Variants in PCDH7 observed in about 807,000 individuals in gnomAD.
PCDH7 encodes protocadherin-7.
A neutral mutation model predicts 58.9 loss-of-function variants in PCDH7; 17 were observed. The ratio of observed to expected loss-of-function variants is 0.29; its 90% CI spans 0.20 to 0.43. The LOEUF (loss-of-function observed/expected upper bound fraction) is 0.43, where lower values mean the gene tolerates loss of function less well. Among genes scored for constraint, PCDH7 ranks in the 20% least tolerant of loss-of-function variants. The pLI is 1.00. For missense variants in PCDH7, 1,274 were observed against 1,441.0 expected (o/e 0.88, Z 1.88); for synonymous variants, 664 against 616.4 (o/e 1.08, Z -1.14).
At chr4:30,950,826 A>T (rs962254639) in intron 3 of PCDH7, among the ~76,000 whole-genome samples, 3 of 152,180 alleles carry the variant, frequency 2.0e-5, no homozygotes, top group Non-Finnish European at 2.9e-5. Context: ...AGAGGGGACT[A>T]GGGACTGTTT....
chr4:30,796,480 CTA>C (rs1266072268), intron 1 of PCDH7, among the ~76,000 whole-genome samples: 1 of 152,134 alleles, frequency 6.6e-6, no homozygotes, highest in African/African-American at 2.4e-5. Flanking sequence ...CTGATCAAAA[CTA>C]TGAAATACAA....
intron 1 of PCDH7, among the ~76,000 whole-genome samples, chr4:30,871,282 G>T (rs906651920): frequency 1.3e-5 from 2 of 152,042 alleles, no homozygotes; most frequent in African/African-American, 4.8e-5. Context: ...AGTTAGCAGA[G>T]GATGGGTAGG....
At chr4:30,931,769 C>G (rs1744634302) in intron 2 of PCDH7, among the ~76,000 whole-genome samples, 1 of 150,938 alleles carries the variant, frequency 6.6e-6, no homozygotes, top group Non-Finnish European at 1.5e-5. Flanking sequence ...AGTGGCATCC[C>G]TTGATATCAG....
intron 3 of PCDH7, among the ~76,000 whole-genome samples, chr4:31,016,223 A>G (rs892022639): frequency 1.3e-5 from 2 of 152,178 alleles, no homozygotes; most frequent in Admixed American, 1.3e-4. Flanking sequence ...TATGAGGACC[A>G]TATGGATCTT....
At chr4:30,974,892 A>G (rs1301844882) in intron 3 of PCDH7, among the ~76,000 whole-genome samples, 1 of 152,148 alleles carries the variant, frequency 6.6e-6, no homozygotes, top group African/African-American at 2.4e-5. Flanking sequence ...AAGGCCTTTT[A>G]TTTAGTTGGC....
intron 1 of PCDH7, among the ~76,000 whole-genome samples, chr4:30,863,386 G>C (rs1233808358): frequency 6.6e-6 from 1 of 151,984 alleles, no homozygotes; most frequent in East Asian, 1.9e-4. Context: ...TCACATGGAG[G>C]GTGGCATCTA....
At chr4:30,877,167 G>A (rs1294977313) in intron 1 of PCDH7, among the ~76,000 whole-genome samples, 6 of 151,962 alleles carry the variant, frequency 3.9e-5, no homozygotes, top group Admixed American at 3.3e-4. Context: ...GTTAAACTAG[G>A]GTTGATGGTT....
chr4:30,762,919 T>C (rs74287294), intron 1 of PCDH7, among the ~76,000 whole-genome samples: 18,809 of 152,212 alleles, frequency 0.12, 1,639 homozygotes, highest in East Asian at 0.29. Flanking sequence ...TGGGCAGAGG[T>C]AAATGGCAAA....
intron 3 of PCDH7, among the ~76,000 whole-genome samples, chr4:31,015,231 A>G (rs1267788751): frequency 1.3e-5 from 2 of 152,204 alleles, no homozygotes; most frequent in African/African-American, 4.8e-5. Context: ...TCAGAAAATC[A>G]GAATGCATAA....
At chr4:31,001,977 T>C (rs1266267943) in intron 3 of PCDH7, among the ~76,000 whole-genome samples, 1 of 152,124 alleles carries the variant, frequency 6.6e-6, no homozygotes, top group Non-Finnish European at 1.5e-5. Context: ...AATTATAAAC[T>C]CCTAATAATA....
intron 3 of PCDH7, among the ~76,000 whole-genome samples, chr4:31,080,398 T>TA (rs1263488593): frequency 6.6e-6 from 1 of 152,104 alleles, no homozygotes; most frequent in Non-Finnish European, 1.5e-5. Context: ...CTTGATTACC[T>TA]AAAAAATGGT....
At chr4:30,767,113 C>T (rs188455990) in intron 1 of PCDH7, among the ~76,000 whole-genome samples, 59 of 152,122 alleles carry the variant, frequency 3.9e-4, no homozygotes, top group African/African-American at 1.4e-3. Flanking sequence ...ATTACAAATT[C>T]TCATAGTAAT....
chr4:30,824,150 T>C (rs149967255), intron 1 of PCDH7, among the ~76,000 whole-genome samples: 4 of 130,762 alleles, frequency 3.1e-5, no homozygotes, highest in African/African-American at 1.1e-4. Flanking sequence ...TTTCTTTCTT[T>C]CTTTCTTTCT....
chr4:30,868,453 G>A (rs139203667), intron 1 of PCDH7, among the ~76,000 whole-genome samples: 3 of 152,078 alleles, frequency 2.0e-5, no homozygotes, highest in Non-Finnish European at 4.4e-5. Flanking sequence ...AGCAGGCGTT[G>A]TGTATGTTCT....
intron 3 of PCDH7, among the ~76,000 whole-genome samples, chr4:30,994,771 A>G (rs1190905325): frequency 6.6e-6 from 1 of 152,158 alleles, no homozygotes; most frequent in Non-Finnish European, 1.5e-5. Context: ...TACAATATTA[A>G]ACTTATAGTT....
At chr4:30,959,212 G>T (rs1054448241) in intron 3 of PCDH7, among the ~76,000 whole-genome samples, 2 of 151,298 alleles carry the variant, frequency 1.3e-5, no homozygotes, top group African/African-American at 4.9e-5. Flanking sequence ...TAAATTGAGG[G>T]GTGCAAAAAG....
rs529710504 is a variant in PCDH7 at position 30,879,933 on chromosome 4, C to A, written c.71-40220C>A. On this transcript the variant is annotated intron_variant, in intron 1 of 3. Transcript: ENST00000509759. Reference sequence around the variant, plus strand: ...GAAGCCTTTTCTTGGGGAAAAATTACCCTGATACATGTTTCTAAAATATTT... The same window carrying A: ...GAAGCCTTTTCTTGGGGAAAAATTAACCTGATACATGTTTCTAAAATATTT... Among the ~76,000 whole-genome samples, 4 of 152,118 alleles carry A rather than the reference C, an allele frequency of 2.6e-5. No homozygotes were observed. The East Asian group carries it at 7.7e-4, about 29-fold the overall frequency.
At chr4:31,121,851 CTT>C (rs1717730115) in intron 3 of PCDH7, among the ~76,000 whole-genome samples, 1 of 152,114 alleles carries the variant, frequency 6.6e-6, no homozygotes, top group Non-Finnish European at 1.5e-5. Context: ...ATGTGGGTCT[CTT>C]TAGTTATCTA....
chr4:30,985,136 T>C (rs1465220786), intron 3 of PCDH7, among the ~76,000 whole-genome samples: 3 of 152,132 alleles, frequency 2.0e-5, no homozygotes, highest in Non-Finnish European at 4.4e-5. Context: ...TTTGTATTTT[T>C]AGTAAAGATG....
Sources: allele counts gnomAD v4.1 joint callset (sites outside exome capture counted in the v4.1 genomes callset), GRCh38; gene constraint gnomAD v4.1.1; transcripts MANE v1.5; gene names NCBI Gene and HGNC (gene_info 2026-07-23, HGNC 2026-07-21).